Variants in CACNA1D observed in about 807,000 individuals in gnomAD.
CACNA1D encodes the protein calcium voltage-gated channel subunit alpha1 D, also known as voltage-dependent L-type calcium channel subunit alpha-1D.
In CACNA1D, 55 loss-of-function variants were observed where a neutral mutation model predicts 257.1. That is an observed-to-expected ratio of 0.21 (90% CI 0.17 to 0.27). The LOEUF is 0.27. Ranked by LOEUF, CACNA1D falls within the 10% of genes least tolerant of loss-of-function variation. The pLI, the probability that CACNA1D is intolerant of heterozygous loss-of-function variation, is 1.00. For missense variants in CACNA1D, 1,876 were observed against 2,784.0 expected (o/e 0.67, Z 7.34); for synonymous variants, 980 against 1,014.9 (o/e 0.97, Z 0.65).
chr3:53,593,418 G>A (rs1029674438), intron 3 of CACNA1D, among the ~76,000 whole-genome samples: 9 of 152,126 alleles, frequency 5.9e-5, no homozygotes, highest in African/African-American at 1.9e-4. Context: ...TGGTGTAAGT[G>A]GAATTAAATA....
At chr3:53,591,895 G>T (rs1394722880) in intron 3 of CACNA1D, among the ~76,000 whole-genome samples, 2 of 152,198 alleles carry the variant, frequency 1.3e-5, no homozygotes, top group Admixed American at 1.3e-4. Context: ...TACTCAGCTT[G>T]TTTTGTCACC....
intron 8 of CACNA1D, among the ~76,000 whole-genome samples, chr3:53,691,321 G>C (rs988681505): frequency 6.6e-5 from 10 of 152,018 alleles, no homozygotes; most frequent in South Asian, 2.1e-4. Flanking sequence ...TGTATTTTTA[G>C]TAGAAATGGG....
intron 6 of CACNA1D, 66 bp downstream of exon 6, chr3:53,665,878 A>G: frequency 7.7e-7 from 1 of 1,295,764 alleles, no homozygotes; most frequent in Non-Finnish European, 1.1e-6. Context: ...AGCAACTTTC[A>G]TGGTTTGGGG....
At chr3:53,694,275 G>A (rs2094554132) in intron 8 of CACNA1D, among the ~76,000 whole-genome samples, 1 of 152,224 alleles carries the variant, frequency 6.6e-6, no homozygotes, top group African/African-American at 2.4e-5. Flanking sequence ...TGGGGCAAGG[G>A]GTTCTCTCCC....
At chr3:53,640,995 T>TGAA (rs148306862) in intron 3 of CACNA1D, among the ~76,000 whole-genome samples, 34,982 of 151,818 alleles carry the variant, frequency 0.23, 4,657 homozygotes, top group African/African-American at 0.35. Context: ...CCTTAAAGGG[T>TGAA]GAAGCAGGAT....
At chr3:53,665,935 A>G in intron 6 of CACNA1D, 123 bp downstream of exon 6, 1 of 732,522 alleles carries the variant, frequency 1.4e-6, no homozygotes. Context: ...ATACCAGCAC[A>G]TTTACTGAGC....
rs77113901 is a variant in CACNA1D at position 53,643,655 on chromosome 3, G to T, written c.484-7124G>T. ...GACAATTGTTGTTTTCCAACTGGAA[G>T]AGATCATCTGATTTAGTCTGTTCAT... On this transcript the variant is annotated intron_variant, in intron 3 of 47. Coordinates refer to ENST00000350061, the MANE Select transcript of CACNA1D (RefSeq NM_001128840.3). Among the ~76,000 whole-genome samples, 15 of 151,030 alleles carry T rather than the reference G, an allele frequency of 9.9e-5. No homozygotes were observed. The East Asian group carries it at 2.9e-3, about 29-fold the overall frequency.
At chr3:53,684,621 CA>C (rs60026644) in intron 8 of CACNA1D, among the ~76,000 whole-genome samples, 9,575 of 83,016 alleles carry the variant, frequency 0.12, 123 homozygotes, top group African/African-American at 0.19. Context: ...GAAACTCTGT[CA>C]AAAAAAAAAA....
chr3:53,528,352 C>T lies in CACNA1D; in HGVS notation c.483+26632C>T, dbSNP rs199851503. On this transcript the variant is annotated intron_variant, in intron 3 of 47. Transcript: ENST00000350061. ...ATCAATGGATCACATAAATTTGGTT[C>T]TGTTTCTAGGGTCTCTGTTCTGTTC... 2.6e-5 allele frequency among the ~76,000 whole-genome samples: 4 copies of T among 152,148 alleles called. No homozygotes were observed. The East Asian group carries it at 7.7e-4, about 29-fold the overall frequency.
intron 8 of CACNA1D, chr3:53,674,088 A>T (rs1222129834): frequency 3.7e-6 from 2 of 542,146 alleles, no homozygotes; most frequent in African/African-American, 3.8e-5. Context: ...GGTGGATTAC[A>T]AGTGAGTTAA....
At chr3:53,736,031 T>C (rs1263625943) in intron 20 of CACNA1D, among the ~76,000 whole-genome samples, 1 of 152,044 alleles carries the variant, frequency 6.6e-6, no homozygotes, top group Admixed American at 6.5e-5. Context: ...GGATGTCAAG[T>C]TGAGGTGTTC....
At chr3:53,803,823 G>A (rs1167000979) in intron 44 of CACNA1D, among the ~76,000 whole-genome samples, 1 of 152,232 alleles carries the variant, frequency 6.6e-6, no homozygotes, top group African/African-American at 2.4e-5. Context: ...GTGAAGGCTT[G>A]GGAAATGGGA....
intron 21 of CACNA1D, among the ~76,000 whole-genome samples, chr3:53,742,433 C>T (rs1468832489): frequency 6.6e-6 from 1 of 152,200 alleles, no homozygotes; most frequent in East Asian, 1.9e-4. Context: ...GGTGAGATGC[C>T]ACCTGGCTTC....
chr3:53,650,761 C>T lies in CACNA1D; in HGVS notation c.484-18C>T. On this transcript the variant is annotated intron_variant, in intron 3 of 47. Transcript: ENST00000350061. ...CTGCCCCTGCTTTTTTGGTATGTTTCTTTGTTTTTCTTCACAGGAAAAAGT... is the reference window on the plus strand; with the variant it reads ...CTGCCCCTGCTTTTTTGGTATGTTTTTTTGTTTTTCTTCACAGGAAAAAGT... 1 of 1,613,356 alleles carries T rather than the reference C, an allele frequency of 6.2e-7. No individual in the cohort carries two copies. Among genetic ancestry groups the T allele is most frequent in the Non-Finnish European group, 8.5e-7 (1 of 1,179,668 alleles).
Position 53,786,873 on chromosome 3 carries a change from A to G in CACNA1D, c.4844A>G (p.Tyr1615Cys). The part of the protein sequence containing the change: ...KFYATFLIQD[Y>C]FRKFKKRKEQ... The stretch of plus-strand genomic sequence containing the variant: ...TATGCCACTTTCCTGATACAGGACT[A>G]CTTTAGGAAATTCAAGAAACGGAAA... Residue 1615 changes from tyrosine (Y) to cysteine (C), a missense_variant, in exon 40 of 48, where the codon TAC becomes TGC. Around this residue, in one of 10 missense-constraint regions of CACNA1D, gnomAD observed 160 missense variants for 236.6 expected, o/e 0.68. Transcript: ENST00000350061. The G allele has an allele frequency of 6.2e-7, 1 of 1,613,234 alleles. No individual in the cohort carries two copies.
chr3:53,748,235 C>T (rs918534217), intron 26 of CACNA1D, among the ~76,000 whole-genome samples: 2 of 152,178 alleles, frequency 1.3e-5, no homozygotes, highest in African/African-American at 4.8e-5. Flanking sequence ...GAGCTCCCAC[C>T]CCCAGCTCCT....
chr3:53,589,812 C>T (rs1185974904), intron 3 of CACNA1D, among the ~76,000 whole-genome samples: 2 of 152,164 alleles, frequency 1.3e-5, no homozygotes, highest in African/African-American at 4.8e-5. Flanking sequence ...CCATCTAACA[C>T]TCCAGCCTCT....
intron 27 of CACNA1D, among the ~76,000 whole-genome samples, chr3:53,750,452 A>G (rs748261277): frequency 2.0e-5 from 3 of 152,158 alleles, no homozygotes; most frequent in Non-Finnish European, 2.9e-5. Context: ...CTGGTAGCCT[A>G]GGCTTCCTCA....
intron 3 of CACNA1D, among the ~76,000 whole-genome samples, chr3:53,506,096 T>A (rs2090834695): frequency 6.6e-6 from 1 of 152,166 alleles, no homozygotes; most frequent in Non-Finnish European, 1.5e-5. Flanking sequence ...GCCTATATGG[T>A]GGAGGTTAGG....
Sources: allele counts gnomAD v4.1 joint callset (sites outside exome capture counted in the v4.1 genomes callset), GRCh38; gene constraint gnomAD v4.1.1; regional missense constraint gnomAD v4.1.1; transcripts MANE v1.5; gene names NCBI Gene and HGNC (gene_info 2026-07-23, HGNC 2026-07-21).